Variants in PCMTD1 observed in about 807,000 individuals in gnomAD.
The protein encoded by PCMTD1 is protein-L-isoaspartate (D-aspartate) O-methyltransferase domain containing 1, also known as protein-L-isoaspartate O-methyltransferase domain-containing protein 1.
A neutral mutation model predicts 37.6 loss-of-function variants in PCMTD1; 12 were observed. That is an observed-to-expected ratio of 0.32 (90% CI 0.20 to 0.52). The LOEUF (loss-of-function observed/expected upper bound fraction) is 0.52. Ranked by LOEUF, PCMTD1 falls within the 20% of genes least tolerant of loss-of-function variation. The pLI, the probability that PCMTD1 is intolerant of heterozygous loss-of-function variation, is 0.97. For synonymous variants in PCMTD1, 117 were observed against 135.8 expected (o/e 0.86, Z 0.96); for missense variants, 235 against 421.3 (o/e 0.56, Z 3.87).
At chr8:51,844,804 C>T (rs1390299292) in intron 3 of PCMTD1, 1 of 152,196 alleles carries the variant, frequency 6.6e-6, no homozygotes. Flanking sequence ...TGTTGATGGT[C>T]ATAGCCAAGG....
chr8:51,878,048 T>G (rs539305984), intron 1 of PCMTD1, among the ~76,000 whole-genome samples: 10 of 152,292 alleles, frequency 6.6e-5, no homozygotes, highest in African/African-American at 2.4e-4. Context: ...CCTTGTACTG[T>G]TGTGCCAGTT....
In PCMTD1 at chr8:51,819,905, ATAG is replaced by A. The variant is rs2037818392; in HGVS notation, c.*443_*445del. The stretch of plus-strand genomic sequence containing the variant: ...AGTGATTGCAACAAAAGTAAGGTAA[ATAG>A]TCTACAAAGCATTTGACTTCCTTAT... On this transcript the variant is annotated 3_prime_UTR_variant, in exon 6 of 6. Transcript: ENST00000522514. 1 of 153,222 alleles carries A rather than the reference ATAG, an allele frequency of 6.5e-6. No homozygotes were observed. Among genetic ancestry groups the A allele is most frequent in the South Asian group, 2.1e-4 (1 of 4,842 alleles). The allele number at this position is 153,222 out of a possible 1,614,324, so 9.5% of individuals were successfully genotyped here.
chr8:51,833,746 T>C (rs749459166), intron 3 of PCMTD1, 57 bp from the exon 4 acceptor site: 2 of 1,457,482 alleles, frequency 1.4e-6, no homozygotes, highest in Non-Finnish European at 1.9e-6. Context: ...ATCTAAAAAA[T>C]TTACCATAAT....
chr8:51,895,934 ATTTCTTTTT>A (rs2038994082), intron 1 of PCMTD1: 16 of 116,662 alleles, frequency 1.4e-4, no homozygotes, highest in Admixed American at 1.9e-4. Flanking sequence ...TATTTGTCCC[ATTTCTTTTT>A]TTTTTTTTTT....
chr8:51,869,655 A>C (rs1430473620), intron 1 of PCMTD1, among the ~76,000 whole-genome samples: 2 of 152,154 alleles, frequency 1.3e-5, no homozygotes, highest in African/African-American at 4.8e-5. Context: ...TCCTGCACTG[A>C]ACAATAAAAC....
intron 1 of PCMTD1, among the ~76,000 whole-genome samples, chr8:51,892,621 C>G (rs955894584): frequency 6.6e-6 from 1 of 152,158 alleles, no homozygotes; most frequent in South Asian, 2.1e-4. Context: ...ACTAAATGCT[C>G]ATTAGTAGGG....
intron 1 of PCMTD1, among the ~76,000 whole-genome samples, chr8:51,866,415 G>A (rs938435643): frequency 7.9e-5 from 12 of 151,928 alleles, no homozygotes; most frequent in Admixed American, 1.3e-4. Flanking sequence ...GCATGGTACT[G>A]ACATAAAAAC....
chr8:51,831,094 T>C (rs2129275602), intron 5 of PCMTD1, among the ~76,000 whole-genome samples: 1 of 152,212 alleles, frequency 6.6e-6, no homozygotes, highest in South Asian at 2.1e-4. Flanking sequence ...GGTCAGGTGT[T>C]TGAGGCCAGC....
rs530900782 is a variant in PCMTD1 at position 51,866,914 on chromosome 8, G to A, written c.-95-5668C>T. 1.1e-4 allele frequency among the ~76,000 whole-genome samples: 16 copies of A among 151,970 alleles called. 1 individual carries two copies. The South Asian group carries it at 2.3e-3, about 22-fold the overall frequency. ...CTGCAAACCATACATCCATACATCC[G>A]ATAAAGGATTGCAACCCATACATCT... is the stretch of plus-strand genomic sequence containing the variant. On this transcript the variant is annotated intron_variant, in intron 1 of 5. Coordinates refer to ENST00000522514, the MANE Select transcript of PCMTD1 (RefSeq NM_052937.4).
At chr8:51,832,255 T>C (rs759355956) in intron 4 of PCMTD1, among the ~76,000 whole-genome samples, 1 of 152,224 alleles carries the variant, frequency 6.6e-6, no homozygotes, top group Non-Finnish European at 1.5e-5. Flanking sequence ...TATTTGAAAA[T>C]GTATCGTTAA....
chr8:51,827,427 T>A, intron 5 of PCMTD1: 1 of 516,038 alleles, frequency 1.9e-6, no homozygotes, highest in Non-Finnish European at 3.5e-6. Flanking sequence ...TGAGCTGTTC[T>A]GAGTAGTGTA....
At chr8:51,827,680 T>G (rs1420283600) in intron 5 of PCMTD1, among the ~76,000 whole-genome samples, 1 of 152,196 alleles carries the variant, frequency 6.6e-6, no homozygotes, top group Non-Finnish European at 1.5e-5. Context: ...AATGGTTTAA[T>G]AACTCCCATA....
At chr8:51,836,667 G>A (rs751589690) in intron 3 of PCMTD1, among the ~76,000 whole-genome samples, 1 of 152,140 alleles carries the variant, frequency 6.6e-6, no homozygotes, top group South Asian at 2.1e-4. Flanking sequence ...AAAAATCTCA[G>A]GAGTAGAAGA....
intron 3 of PCMTD1, among the ~76,000 whole-genome samples, chr8:51,843,074 T>A (rs2038170461): frequency 6.6e-6 from 1 of 152,148 alleles, no homozygotes; most frequent in South Asian, 2.1e-4. Context: ...TAAGTTTAAC[T>A]ATTATCCACA....
At chr8:51,893,154 T>C (rs1189245387) in intron 1 of PCMTD1, among the ~76,000 whole-genome samples, 20 of 152,130 alleles carry the variant, frequency 1.3e-4, no homozygotes, top group Admixed American at 1.1e-3. Flanking sequence ...CATTTTAACA[T>C]TCCAAAAAGA....
chr8:51,841,696 G>A (rs2038149260), intron 3 of PCMTD1, among the ~76,000 whole-genome samples: 1 of 152,050 alleles, frequency 6.6e-6, no homozygotes, highest in African/African-American at 2.4e-5. Context: ...AACTGTACAT[G>A]AGCAAATACT....
intron 5 of PCMTD1, among the ~76,000 whole-genome samples, chr8:51,830,312 G>T (rs2037980825): frequency 1.3e-5 from 2 of 152,158 alleles, no homozygotes; most frequent in African/African-American, 2.4e-5. Flanking sequence ...TTTATAACTT[G>T]CTCATGAAGC....
At chr8:51,899,100 G>C, upstream of PCMTD1, 1 of 1,469,430 alleles carries the variant, frequency 6.8e-7, no homozygotes, top group Non-Finnish European at 9.0e-7. Context: ...GGAGCCGCCG[G>C]GGTCCGGGCA....
At chr8:51,898,238 G>C (rs2039037322) in intron 1 of PCMTD1, among the ~76,000 whole-genome samples, 1 of 152,104 alleles carries the variant, frequency 6.6e-6, no homozygotes, top group African/African-American at 2.4e-5. Context: ...CAAAATTATA[G>C]AAGTTCCAAA....
Sources: allele counts gnomAD v4.1 joint callset (sites outside exome capture counted in the v4.1 genomes callset), GRCh38; gene constraint gnomAD v4.1.1; transcripts MANE v1.5; gene names NCBI Gene and HGNC (gene_info 2026-07-23, HGNC 2026-07-21).